Variants in PRDM5 observed in about 807,000 individuals in gnomAD.
PRDM5 encodes PR domain zinc finger protein 5.
Under a neutral mutation model 81.2 loss-of-function variants are expected in PRDM5, and 56 were observed. The ratio of observed to expected loss-of-function variants is 0.69; its 90% confidence interval spans 0.56 to 0.86. The LOEUF (loss-of-function observed/expected upper bound fraction) is 0.86, where lower values mean the gene tolerates loss of function less well. Ranked by LOEUF, PRDM5 falls within the 40% of genes least tolerant of loss-of-function variation. The probability of loss-of-function intolerance (pLI) is 0.00; values close to 1 mark genes in which losing one functional copy is unlikely to be tolerated. For synonymous variants in PRDM5, 267 were observed against 256.4 expected (o/e 1.04, Z -0.39); for missense variants, 697 against 770.1 (o/e 0.91, Z 1.12).
chr4:120,718,850 C>T lies in PRDM5; in HGVS notation c.1624-8437G>A, dbSNP rs1738180251. 2.0e-5 allele frequency among the ~76,000 whole-genome samples: 3 copies of T among 152,130 alleles called. No individual in the cohort carries two copies. The South Asian group carries it at 6.2e-4, about 32-fold the overall frequency. On this transcript the variant is annotated intron_variant, in intron 14 of 15. Transcript: ENST00000264808. The stretch of plus-strand genomic sequence containing the variant: ...GGCATAGATGACACTGACTTGTAAA[C>T]AAAAAAGGCTTGTGTTATATTTTTA...
At chr4:120,766,496 G>A (rs1169503347) in intron 13 of PRDM5, among the ~76,000 whole-genome samples, 1 of 152,080 alleles carries the variant, frequency 6.6e-6, no homozygotes, top group Non-Finnish European at 1.5e-5. Context: ...GTTGACCATA[G>A]GTAACAAACT....
At position 120,888,764 on chromosome 4, in the gene PRDM5, T is replaced by C. The variant is rs573415173; in HGVS notation, c.177+18710A>G. ...AGATGATGTTTGCAAACATTTGACA[T>C]TGTCTTTTTAATTTTAGTCATTTTG... On this transcript the variant is annotated intron_variant, in intron 2 of 15. Transcript: ENST00000264808. Among the ~76,000 whole-genome samples the C allele has an allele frequency of 4.6e-5, 7 of 152,334 alleles. No individual in the cohort carries two copies. The East Asian group carries it at 7.7e-4, about 17-fold the overall frequency.
intron 14 of PRDM5, among the ~76,000 whole-genome samples, chr4:120,719,026 T>C (rs140183405): frequency 8.9e-4 from 135 of 152,330 alleles, no homozygotes; most frequent in African/African-American, 3.1e-3. Context: ...TAAGAAACTA[T>C]TTGCCAAACT....
chr4:120,825,415 T>C (rs1189729502), intron 3 of PRDM5, among the ~76,000 whole-genome samples: 1 of 152,138 alleles, frequency 6.6e-6, no homozygotes, highest in Non-Finnish European at 1.5e-5. Context: ...TTACAATTCG[T>C]TTGGTCAAAA....
rs772519332 is a variant in PRDM5, at chr4:120,922,533, C to T, written c.76G>A (p.Ala26Thr). The change falls in exon 1 of 16, where the codon GCC (alanine) becomes ACC (threonine). Residue 26 changes from alanine (A) to threonine (T), a missense_variant. Coordinates refer to ENST00000264808, the MANE Select transcript of PRDM5 (RefSeq NM_018699.4). ...RVQDGMGLYT[A>T]RRVRKGEKFG... Reference sequence around the variant, plus strand: ...TCACCCACCTTTCGCACTCTGCGGGCCGTGTAGAGCCCCATGCCGTCCTGA... The same window carrying T: ...TCACCCACCTTTCGCACTCTGCGGGTCGTGTAGAGCCCCATGCCGTCCTGA... The T allele has an allele frequency of 1.9e-6, 3 of 1,607,704 alleles. No individual in the cohort carries two copies. Among genetic ancestry groups the T allele is most frequent in the Non-Finnish European group, 2.5e-6 (3 of 1,177,794 alleles).
At chr4:120,757,611 C>A (rs760195719) in intron 13 of PRDM5, among the ~76,000 whole-genome samples, 5 of 152,080 alleles carry the variant, frequency 3.3e-5, no homozygotes. Context: ...CCACCCTCAC[C>A]CAATGTGGGC....
chr4:120,872,131 A>ACG (rs1438918457), intron 2 of PRDM5, among the ~76,000 whole-genome samples: 1 of 139,208 alleles, frequency 7.2e-6, no homozygotes, highest in Non-Finnish European at 1.5e-5. Context: ...AGCCTGGGCG[A>ACG]CAGAGCAAGA....
chr4:120,779,937 A>C (rs1748796602), intron 12 of PRDM5, among the ~76,000 whole-genome samples: 1 of 151,248 alleles, frequency 6.6e-6, no homozygotes, highest in Non-Finnish European at 1.5e-5. Flanking sequence ...AACAAACAAT[A>C]TATATATATA....
At chr4:120,874,389 C>T (rs1207795232) in intron 2 of PRDM5, among the ~76,000 whole-genome samples, 1 of 152,118 alleles carries the variant, frequency 6.6e-6, no homozygotes, top group Admixed American at 6.5e-5. Context: ...GAAATGTTTT[C>T]TGTCTTTATT....
At chr4:120,811,804 G>C (rs1247407859) in intron 7 of PRDM5, among the ~76,000 whole-genome samples, 1 of 151,864 alleles carries the variant, frequency 6.6e-6, no homozygotes, top group Non-Finnish European at 1.5e-5. Flanking sequence ...TTTCAATATA[G>C]GCATGCAATG....
rs1744431105 is a variant in PRDM5 at position 120,754,456 on chromosome 4, G to A, written c.1623+97C>T. The A allele has an allele frequency of 8.9e-6, 7 of 787,036 alleles. No homozygotes were observed. The East Asian group carries it at 1.1e-4, about 12-fold the overall frequency. 48.8% of individuals were successfully genotyped at this position (787,036 alleles called of 1,614,324 possible). A position where few individuals can be genotyped will look rare whatever the true frequency, so the allele number is the denominator to read the frequency against. ...TAAATATAGATATACAACTTCCAGT[G>A]TATTGCCTTTATTTTGTAATATAAA... On this transcript the variant is annotated intron_variant, in intron 14 of 15. Coordinates refer to ENST00000264808, the MANE Select transcript of PRDM5 (RefSeq NM_018699.4).
chr4:120,823,396 T>C (rs1297251857), intron 3 of PRDM5, among the ~76,000 whole-genome samples: 1 of 152,174 alleles, frequency 6.6e-6, no homozygotes, highest in African/African-American at 2.4e-5. Context: ...ACCAGCTGCA[T>C]GGTTTTTCTC....
chr4:120,719,613 A>G (rs1738291363), intron 14 of PRDM5, among the ~76,000 whole-genome samples: 1 of 152,228 alleles, frequency 6.6e-6, no homozygotes, highest in South Asian at 2.1e-4. Flanking sequence ...AAAGATGTCT[A>G]CGTCATAATT....
intron 13 of PRDM5, among the ~76,000 whole-genome samples, chr4:120,775,316 T>A (rs941542322): frequency 2.6e-5 from 4 of 152,166 alleles, no homozygotes; most frequent in African/African-American, 9.6e-5. Flanking sequence ...AAAATCCTCT[T>A]ATTATTGTAA....
intron 13 of PRDM5, among the ~76,000 whole-genome samples, chr4:120,774,326 G>C (rs537642160): frequency 6.6e-6 from 1 of 152,208 alleles, no homozygotes; most frequent in Non-Finnish European, 1.5e-5. Context: ...TTGCTCATGT[G>C]ATAGCACACC....
intron 12 of PRDM5, among the ~76,000 whole-genome samples, chr4:120,777,558 C>T (rs947342950): frequency 2.0e-5 from 3 of 152,052 alleles, no homozygotes; most frequent in Non-Finnish European, 4.4e-5. Context: ...TTAAATTATA[C>T]AAACCAGTAT....
intron 15 of PRDM5, among the ~76,000 whole-genome samples, chr4:120,699,161 A>AATATAAATAAAT (rs1286927101): frequency 4.1e-5 from 3 of 73,448 alleles, no homozygotes; most frequent in Non-Finnish European, 8.6e-5. Context: ...AGGAAATATA[A>AATATAAATAAAT]ATATATATAT....
chr4:120,697,146 C>T (rs570309741), intron 15 of PRDM5, among the ~76,000 whole-genome samples: 6 of 152,176 alleles, frequency 3.9e-5, no homozygotes, highest in African/African-American at 1.2e-4. Context: ...AAGCAAAATG[C>T]AAACACACGC....
chr4:120,814,617 T>C (rs1754252494), intron 7 of PRDM5, among the ~76,000 whole-genome samples: 1 of 152,202 alleles, frequency 6.6e-6, no homozygotes, highest in South Asian at 2.1e-4. Flanking sequence ...AAAAAACATT[T>C]GCCATCAAAG....
Sources: gnomAD v4.1 joint callset for allele counts (sites outside exome capture counted in the v4.1 genomes callset) on GRCh38, gnomAD v4.1.1 for gene constraint, MANE v1.5 for transcripts, NCBI Gene and HGNC (gene_info 2026-07-23, HGNC 2026-07-21) for gene names.